The following MYO18B variants were observed in gnomAD, a reference collection of about 807,000 sequenced individuals.
MYO18B encodes unconventional myosin-XVIIIb.
In MYO18B, 204 loss-of-function variants were observed where a neutral mutation model predicts 273.0. The ratio of observed to expected loss-of-function variants is 0.75; its 90% CI spans 0.67 to 0.84. The LOEUF (loss-of-function observed/expected upper bound fraction) is 0.84, where lower values mean the gene tolerates loss of function less well. Ranked by LOEUF, MYO18B falls within the 40% of genes least tolerant of loss-of-function variation. The pLI, the probability that MYO18B is intolerant of heterozygous loss-of-function variation, is 0.00. For missense variants in MYO18B, 3,212 were observed against 3,287.6 expected (o/e 0.98, Z 0.56); for synonymous variants, 1,330 against 1,305.7 (o/e 1.02, Z -0.40).
rs1248668417 is a variant in MYO18B at position 26,027,495 on chromosome 22, C to T, written c.7521C>T (p.Asp2507=). 1.2e-6 allele frequency: 2 copies of T among 1,614,018 alleles called. No individual in the cohort carries two copies. Among genetic ancestry groups the T allele is most frequent in the Non-Finnish European group, 1.7e-6 (2 of 1,179,896 alleles). ...AGGAGGATCCCGCTCACCTGTCTGA[C>T]TCGTCCTCATCCTCCGGCTCCATCG... ...EPKEDPAHLS[D]SSSSSGSIVS... is the part of the protein sequence containing the mutation. The change falls in exon 43 of 44, where the codon GAC becomes GAT. Residue 2507 remains aspartate (D), a synonymous_variant. Transcript: ENST00000335473. This position sits in a 1 kb window ranked among gnomAD's most constrained non-coding sequence, Gnocchi z 4.1.
intron 34 of MYO18B, among the ~76,000 whole-genome samples, chr22:25,926,847 G>T (rs1304477247): frequency 2.6e-5 from 4 of 152,208 alleles, no homozygotes; most frequent in Non-Finnish European, 5.9e-5. Context: ...GGGACCAGCT[G>T]AAGCCATGGC....
rs147689840 is a variant in MYO18B, at chr22:25,962,054, G to A, written c.6156+6690G>A. Among the ~76,000 whole-genome samples the A allele has an allele frequency of 4.7e-3, 720 of 152,310 alleles. 8 individuals carry two copies. Among genetic ancestry groups the A allele is most frequent in the South Asian group, 0.021 (102 of 4,818 alleles). On this transcript the variant is annotated intron_variant, in intron 39 of 43. Transcript: ENST00000335473. ...TGGTGTCACACTTCTTGTGCAGCCT[G>A]CAGAACCGTGAGCCAAGTAAACCTC... is the stretch of plus-strand genomic sequence containing the variant.
intron 8 of MYO18B, 95 bp from the exon 9 acceptor site, chr22:25,779,961 C>T: frequency 1.4e-6 from 2 of 1,445,710 alleles, no homozygotes; most frequent in Non-Finnish European, 1.8e-6. Context: ...GGGGACTGGC[C>T]CAAGCAGGGG....
At chr22:25,876,002 CCG>C (rs2091180534) in intron 23 of MYO18B, among the ~76,000 whole-genome samples, 185 bp from the exon 24 acceptor site, 1 of 120,496 alleles carries the variant, frequency 8.3e-6, no homozygotes, top group African/African-American at 3.2e-5. Flanking sequence ...GAAAGGAAGC[CCG>C]TGTGTGTGTG....
At chr22:25,878,667 A>G (rs747574397) in intron 25 of MYO18B, among the ~76,000 whole-genome samples, 13 of 152,386 alleles carry the variant, frequency 8.5e-5, no homozygotes, top group Non-Finnish European at 1.8e-4. Context: ...AGGAAGTGCA[A>G]ATTAACACCT....
chr22:25,788,761 C>CAGA (rs2087507803), intron 11 of MYO18B, among the ~76,000 whole-genome samples: 1 of 152,172 alleles, frequency 6.6e-6, no homozygotes, highest in Non-Finnish European at 1.5e-5. Context: ...ATGATTAATT[C>CAGA]TGCTTCTGTT....
At chr22:25,939,249 T>C (rs945139671) in intron 34 of MYO18B, among the ~76,000 whole-genome samples, 1 of 152,240 alleles carries the variant, frequency 6.6e-6, no homozygotes, top group Non-Finnish European at 1.5e-5. Flanking sequence ...AGGGAAGTTA[T>C]TGGCCAAAAT....
chr22:25,847,317 A>T, intron 19 of MYO18B, 113 bp from the exon 20 acceptor site: 1 of 827,118 alleles, frequency 1.2e-6, no homozygotes, highest in Non-Finnish European at 1.9e-6. Context: ...GGTGTGGGAC[A>T]TAGGGGCCCC....
chr22:25,973,977 G>T (rs1035629182), intron 39 of MYO18B, among the ~76,000 whole-genome samples: 7 of 152,166 alleles, frequency 4.6e-5, no homozygotes, highest in African/African-American at 1.7e-4. Context: ...AATCTCAATT[G>T]TGTCTTAGGT....
At chr22:26,014,903 G>GT (rs35917774) in intron 42 of MYO18B, among the ~76,000 whole-genome samples, 30,166 of 149,380 alleles carry the variant, frequency 0.2, 3,469 homozygotes, top group Middle Eastern at 0.28. Context: ...TTTTTAATGG[G>GT]TTTTTTTTTT....
At chr22:25,952,242 A>G (rs1356783257) in intron 37 of MYO18B, 44 bp from the exon 38 acceptor site, 16 of 1,592,976 alleles carry the variant, frequency 1.0e-5, no homozygotes, top group African/African-American at 1.3e-5. Context: ...CTGTCCTGGT[A>G]TCAGGGACAA....
intron 5 of MYO18B, among the ~76,000 whole-genome samples, 174 bp downstream of exon 5, chr22:25,770,350 G>A (rs2086672926): frequency 6.6e-6 from 1 of 152,182 alleles, no homozygotes; most frequent in Admixed American, 6.5e-5. Context: ...TTTACCTACT[G>A]TAACTCACTA....
chr22:25,930,345 A>G (rs1456359702), intron 34 of MYO18B, among the ~76,000 whole-genome samples: 2 of 151,790 alleles, frequency 1.3e-5, no homozygotes, highest in Non-Finnish European at 2.9e-5. Context: ...GTGAGTAAAC[A>G]TAGTAAAAGA....
chr22:26,037,139 C>A, the MYO18B span, among the ~76,000 whole-genome samples: 2 of 152,148 alleles, frequency 1.3e-5, no homozygotes, highest in Admixed American at 6.5e-5. Context: ...GCTAAACAAA[C>A]CTGGGCCTGC....
At chr22:25,888,515 G>A (rs1261925913) in intron 25 of MYO18B, among the ~76,000 whole-genome samples, 2 of 152,174 alleles carry the variant, frequency 1.3e-5, no homozygotes, top group Admixed American at 6.5e-5. Flanking sequence ...TCCTACCTCA[G>A]CCTGTCAAAG....
chr22:26,003,424 T>C (rs1667929009), intron 41 of MYO18B, 115 bp downstream of exon 41: 3 of 861,538 alleles, frequency 3.5e-6, no homozygotes, highest in South Asian at 2.9e-5. Context: ...GTGATGCCCA[T>C]GAGACTAATG....
rs141644101 is a variant in MYO18B at position 25,892,591 on chromosome 22, T to C, written c.4543+1179T>C. ...ATGTCAGCATTATTCCCTCCGTGTG[T>C]CCAGAGAATTTGTGCCCTTGAGATG... On this transcript the variant is annotated intron_variant, in intron 27 of 43. Coordinates refer to ENST00000335473, the MANE Select transcript of MYO18B (RefSeq NM_032608.7). 11 of 152,356 alleles carry C rather than the reference T, an allele frequency of 7.2e-5. No homozygotes were observed. The East Asian group carries it at 1.9e-3, about 27-fold the overall frequency. 9.4% of individuals were successfully genotyped at this position (152,356 alleles called of 1,614,324 possible).
At chr22:25,905,774 C>G (rs1158889329) in intron 31 of MYO18B, among the ~76,000 whole-genome samples, 1 of 152,182 alleles carries the variant, frequency 6.6e-6, no homozygotes, top group Non-Finnish European at 1.5e-5. Flanking sequence ...AGCCTTATCT[C>G]TCCCCTAGCT....
intron 42 of MYO18B, among the ~76,000 whole-genome samples, chr22:26,019,122 C>T (rs1005414105): frequency 1.3e-5 from 2 of 152,188 alleles, no homozygotes; most frequent in Admixed American, 1.3e-4. Flanking sequence ...CTACACTGCT[C>T]TCCCCAGGAG....
Sources: gnomAD v4.1 joint callset for allele counts (sites outside exome capture counted in the v4.1 genomes callset) on GRCh38, gnomAD v4.1.1 for gene constraint, Gnocchi (gnomAD v3.1) non-coding constraint, MANE v1.5 for transcripts, NCBI Gene and HGNC (gene_info 2026-07-23, HGNC 2026-07-21) for gene names.